NSUN3: variants seen among roughly 807,000 people sequenced by gnomAD.
NSUN3 encodes tRNA (cytosine(34)-C(5))-methyltransferase, mitochondrial.
Under a neutral mutation model 36.8 loss-of-function variants are expected in NSUN3, and 24 were observed. The ratio of observed to expected loss-of-function variants is 0.65; its 90% CI spans 0.47 to 0.92. NSUN3 has a LOEUF of 0.92. Ranked by LOEUF, NSUN3 falls within the 40% of genes least tolerant of loss-of-function variation. NSUN3 has a pLI of 0.00. For synonymous variants in NSUN3, 146 were observed against 145.2 expected (o/e 1.01, Z -0.04); for missense variants, 381 against 392.8 (o/e 0.97, Z 0.25).
chr3:94,067,644 T>A (rs2077210434), intron 2 of NSUN3, among the ~76,000 whole-genome samples: 1 of 152,202 alleles, frequency 6.6e-6, no homozygotes, highest in African/African-American at 2.4e-5. Flanking sequence ...AGCAACCACT[T>A]TTATGGCACT....
intron 2 of NSUN3, chr3:94,076,483 A>G (rs2077246837): frequency 8.9e-6 from 7 of 786,656 alleles, no homozygotes; most frequent in Non-Finnish European, 1.6e-5. Context: ...GCCAGGAAAC[A>G]TCTTCTACTA....
At chr3:94,114,725 C>CA (rs2077432542) in intron 5 of NSUN3, among the ~76,000 whole-genome samples, 1 of 152,164 alleles carries the variant, frequency 6.6e-6, no homozygotes, top group Admixed American at 6.5e-5. Context: ...GGGTAGTAAG[C>CA]ATAGCACCAA....
chr3:94,077,718 A>G (rs879497701), intron 2 of NSUN3, among the ~76,000 whole-genome samples: 1 of 152,134 alleles, frequency 6.6e-6, no homozygotes, highest in South Asian at 2.1e-4. Context: ...TTTCTATTTC[A>G]TTTGCATAGA....
At chr3:94,063,175 A>G in intron 1 of NSUN3, 37 bp downstream of exon 1, 1 of 1,612,448 alleles carries the variant, frequency 6.2e-7, no homozygotes, top group African/African-American at 1.3e-5. Flanking sequence ...CTCTATCTGA[A>G]TGAGACGCTT....
chr3:94,075,318 A>G (rs2077241701), intron 2 of NSUN3, among the ~76,000 whole-genome samples: 1 of 152,148 alleles, frequency 6.6e-6, no homozygotes, highest in Admixed American at 6.5e-5. Flanking sequence ...AAAACAGCTC[A>G]AGAAATACAC....
intron 5 of NSUN3, among the ~76,000 whole-genome samples, chr3:94,104,130 C>T (rs1433097762): frequency 2.6e-5 from 4 of 152,114 alleles, no homozygotes; most frequent in African/African-American, 4.8e-5. Context: ...AGAGATACCA[C>T]GTATCAACTT....
intron 5 of NSUN3, among the ~76,000 whole-genome samples, chr3:94,118,533 G>A (rs1331581222): frequency 6.6e-6 from 1 of 152,030 alleles, no homozygotes; most frequent in East Asian, 1.9e-4. Context: ...TTAGTGGTTA[G>A]CACAAATACG....
At chr3:94,090,762 C>T (rs779586721) in intron 3 of NSUN3, among the ~76,000 whole-genome samples, 7 of 152,224 alleles carry the variant, frequency 4.6e-5, no homozygotes, top group African/African-American at 4.8e-5. Flanking sequence ...AGGTAAATTA[C>T]GTACTGAAGC....
At chr3:94,109,106 T>A (rs1342045745) in intron 5 of NSUN3, among the ~76,000 whole-genome samples, 1 of 152,166 alleles carries the variant, frequency 6.6e-6, no homozygotes, top group East Asian at 1.9e-4. Context: ...TAGGGAGAAA[T>A]TCCATGGAGA....
chr3:94,105,048 C>T (rs911884999), intron 5 of NSUN3, among the ~76,000 whole-genome samples: 8 of 152,216 alleles, frequency 5.3e-5, no homozygotes, highest in Non-Finnish European at 1.0e-4. Flanking sequence ...GTATTTGAAA[C>T]ATGGGAGCAC....
chr3:94,089,124 C>A (rs1277475087), intron 3 of NSUN3, among the ~76,000 whole-genome samples: 1 of 152,132 alleles, frequency 6.6e-6, no homozygotes, highest in Non-Finnish European at 1.5e-5. Context: ...CCATTTTGTT[C>A]TTTTGTGAAT....
At chr3:94,103,856 G>A (rs1046495157) in intron 5 of NSUN3, among the ~76,000 whole-genome samples, 3 of 152,194 alleles carry the variant, frequency 2.0e-5, no homozygotes, top group Non-Finnish European at 2.9e-5. Context: ...AACTCTTTGG[G>A]AAGGAGTTAT....
intron 3 of NSUN3, among the ~76,000 whole-genome samples, chr3:94,087,592 G>A (rs1303303735): frequency 1.3e-5 from 2 of 152,196 alleles, no homozygotes; most frequent in African/African-American, 2.4e-5. Context: ...GGATGACCCA[G>A]CTTGGTAGAT....
intron 3 of NSUN3, among the ~76,000 whole-genome samples, chr3:94,086,382 T>A (rs574232547): frequency 7.5e-4 from 114 of 152,362 alleles, no homozygotes; most frequent in African/African-American, 2.7e-3. Context: ...GTGAAGGACC[T>A]TGTGAAAGGA....
At chr3:94,074,316 AT>A (rs773078688) in intron 2 of NSUN3, among the ~76,000 whole-genome samples, 7 of 152,060 alleles carry the variant, frequency 4.6e-5, no homozygotes, top group Non-Finnish European at 7.4e-5. Context: ...AGTTTAAAGT[AT>A]TTTGTTTTTC....
chr3:94,119,391 C>G (rs1302721343), intron 5 of NSUN3, among the ~76,000 whole-genome samples: 1 of 152,136 alleles, frequency 6.6e-6, no homozygotes, highest in East Asian at 1.9e-4. Flanking sequence ...GAGGCCACAA[C>G]ATGGTCTGGT....
intron 2 of NSUN3, among the ~76,000 whole-genome samples, chr3:94,083,199 A>C (rs182675573): frequency 2.0e-5 from 3 of 152,132 alleles, no homozygotes; most frequent in Admixed American, 2.0e-4. Flanking sequence ...TTAAGCCTCA[A>C]AAACCTCAGT....
At chr3:94,065,393 A>C (rs938112259) in intron 2 of NSUN3, among the ~76,000 whole-genome samples, 6 of 152,206 alleles carry the variant, frequency 3.9e-5, no homozygotes, top group Admixed American at 3.9e-4. Flanking sequence ...TAGGCCTCCT[A>C]GGTTGAGGGA....
At chr3:94,082,098 T>G (rs1407616671) in intron 2 of NSUN3, 2 of 152,246 alleles carry the variant, frequency 1.3e-5, no homozygotes, top group African/African-American at 4.8e-5. Flanking sequence ...TCTGTATAAC[T>G]GTGTTTCCGA....
Sources: gnomAD v4.1 joint callset for allele counts (sites outside exome capture counted in the v4.1 genomes callset) on GRCh38, gnomAD v4.1.1 for gene constraint, MANE v1.5 for transcripts, NCBI Gene and HGNC (gene_info 2026-07-23, HGNC 2026-07-21) for gene names.